COL14A1: variants seen among roughly 807,000 people sequenced by gnomAD.
The protein encoded by COL14A1 is collagen alpha-1(XIV) chain.
COL14A1 carries 136 observed loss-of-function variants against 230.3 expected under a neutral mutation model. That is an observed-to-expected ratio of 0.59 (90% confidence interval 0.51 to 0.68). The LOEUF is 0.68. Ranked by LOEUF, COL14A1 falls within the 30% of genes least tolerant of loss-of-function variation. The pLI, the probability that COL14A1 is intolerant of heterozygous loss-of-function variation, is 0.00. For synonymous variants in COL14A1, 792 were observed against 784.1 expected (o/e 1.01, Z -0.17); for missense variants, 1,976 against 2,215.8 (o/e 0.89, Z 2.17).
At chr8:120,187,620 A>T (rs1470605878) in intron 5 of COL14A1, among the ~76,000 whole-genome samples, 1 of 152,244 alleles carries the variant, frequency 6.6e-6, no homozygotes, top group Non-Finnish European at 1.5e-5. Context: ...TCATGATGTC[A>T]GTAACACAAT....
At chr8:120,203,004 A>AATTTCAAAT (rs1817303768) in intron 8 of COL14A1, among the ~76,000 whole-genome samples, 1 of 81,460 alleles carries the variant, frequency 1.2e-5, no homozygotes, top group Non-Finnish European at 2.5e-5. Flanking sequence ...ATATATATAT[A>AATTTCAAAT]TATATATATA....
intron 5 of COL14A1, among the ~76,000 whole-genome samples, chr8:120,178,184 A>C (rs921305810): frequency 6.6e-6 from 1 of 151,970 alleles, no homozygotes; most frequent in African/African-American, 2.4e-5. Flanking sequence ...TGCTGCACCC[A>C]TCATCTGCAT....
Position 120,168,251 on chromosome 8 carries a change from A to G in COL14A1, c.436+4A>G. 1.2e-6 allele frequency: 2 copies of G among 1,602,502 alleles called. No homozygotes were observed. Among genetic ancestry groups the G allele is most frequent in the East Asian group, 2.2e-5 (1 of 44,792 alleles). On this transcript the variant is annotated splice_donor_region_variant and intron_variant, in intron 5 of 47. Transcript: ENST00000297848. The stretch of plus-strand genomic sequence containing the variant: ...AGTAGACCATCTTCACCAGAAGGTC[A>G]GAGACGATTTTAATTAACTCATATT...
chr8:120,308,975 T>C (rs368555210), intron 36 of COL14A1, among the ~76,000 whole-genome samples: 4 of 152,210 alleles, frequency 2.6e-5, no homozygotes, highest in African/African-American at 9.6e-5. Context: ...AGTCTCACTT[T>C]GCCGCCCAGG....
Position 120,369,410 on chromosome 8 carries a change from G to T in COL14A1, c.5236G>T (p.Val1746Phe). The change falls in exon 47 of 48, where the codon GTT (valine) becomes TTT (phenylalanine). Residue 1746 changes from valine (V) to phenylalanine (F), a missense_variant. Physicochemically the swap from Val to Phe is conservative, Grantham distance 50. Transcript: ENST00000297848. ...GPRGPPGHLGVPGPQGPSGQP... is the reference protein window; with the variant it reads ...GPRGPPGHLGFPGPQGPSGQP... ...AAGAGGCCCACCAGGTCATCTGGGG[G>T]TTCCTGGACCCCAAGGTCCTTCTGG... is the stretch of plus-strand genomic sequence containing the variant. The T allele has an allele frequency of 6.2e-7, 1 of 1,610,490 alleles. No individual in the cohort carries two copies. Among genetic ancestry groups the T allele is most frequent in the Non-Finnish European group, 8.5e-7 (1 of 1,178,398 alleles).
intron 34 of COL14A1, among the ~76,000 whole-genome samples, chr8:120,291,703 T>G (rs1243276370): frequency 6.6e-6 from 1 of 152,044 alleles, no homozygotes; most frequent in African/African-American, 2.4e-5. Flanking sequence ...TTCCTGAAAG[T>G]TAGTAGGCGT....
chr8:120,334,493 AATGTGTTGCAAAGTATG>A (rs2130228547), intron 42 of COL14A1, among the ~76,000 whole-genome samples: 1 of 152,018 alleles, frequency 6.6e-6, no homozygotes, highest in East Asian at 1.9e-4. Context: ...TTAATTCAAA[AATGTGTTGCAAAGTATG>A]ATCCTGCACC....
At chr8:120,196,022 A>G (rs929832254) in intron 5 of COL14A1, among the ~76,000 whole-genome samples, 2 of 152,136 alleles carry the variant, frequency 1.3e-5, no homozygotes, top group South Asian at 2.1e-4. Flanking sequence ...CACCTTCTGC[A>G]TTTCCCCAGC....
chr8:120,217,590 C>T (rs546549842), intron 14 of COL14A1, among the ~76,000 whole-genome samples: 15 of 152,114 alleles, frequency 9.9e-5, no homozygotes, highest in South Asian at 6.2e-4. Context: ...GTGTAATGGA[C>T]GGGCAGTAAG....
chr8:120,130,281 A>G (rs1814484461), intron 1 of COL14A1, among the ~76,000 whole-genome samples: 1 of 152,244 alleles, frequency 6.6e-6, no homozygotes, highest in African/African-American at 2.4e-5. Flanking sequence ...ACTGAGGACC[A>G]GTAACAGTTC....
At chr8:120,267,262 A>G (rs1819526219) in intron 25 of COL14A1, among the ~76,000 whole-genome samples, 1 of 151,850 alleles carries the variant, frequency 6.6e-6, no homozygotes, top group Non-Finnish European at 1.5e-5. Flanking sequence ...TTTCCTCATC[A>G]CAACAGTTCC....
At chr8:120,332,026 A>T (rs768877627) in intron 40 of COL14A1, 115 bp from the exon 41 acceptor site, 18 of 837,032 alleles carry the variant, frequency 2.2e-5, no homozygotes, top group African/African-American at 3.4e-5. Context: ...AATCCTTGGT[A>T]GTCCAGAGCA....
intron 18 of COL14A1, among the ~76,000 whole-genome samples, chr8:120,230,938 A>C (rs1818247752): frequency 6.6e-6 from 1 of 152,178 alleles, no homozygotes; most frequent in Non-Finnish European, 1.5e-5. Flanking sequence ...TACCAGAGAA[A>C]AGATCGTGTC....
At chr8:120,311,695 A>G (rs1821044319) in intron 37 of COL14A1, among the ~76,000 whole-genome samples, 1 of 152,184 alleles carries the variant, frequency 6.6e-6, no homozygotes, top group Non-Finnish European at 1.5e-5. Flanking sequence ...AGGACAAAGC[A>G]AACCTCTTGT....
intron 3 of COL14A1, among the ~76,000 whole-genome samples, chr8:120,159,110 A>G (rs2130526923): frequency 6.6e-6 from 1 of 152,302 alleles, no homozygotes; most frequent in Middle Eastern, 3.4e-3. Context: ...GTTTTCTATG[A>G]ATTTGCAACT....
chr8:120,250,883 C>T, intron 22 of COL14A1, 117 bp downstream of exon 22: 2 of 1,175,258 alleles, frequency 1.7e-6, no homozygotes, highest in East Asian at 2.5e-5. Context: ...TCTGGACTCA[C>T]TGAAACATCC....
intron 19 of COL14A1, among the ~76,000 whole-genome samples, chr8:120,241,175 C>T (rs536136192): frequency 4.6e-5 from 7 of 152,294 alleles, no homozygotes; most frequent in Admixed American, 4.6e-4. Flanking sequence ...CATTGATAGC[C>T]ATTTGACATT....
In COL14A1 at chr8:120,270,115, A is replaced by G. The variant is rs376527076; in HGVS notation, c.3154A>G (p.Ile1052Val). Reference sequence around the variant, plus strand: ...TGGAGATGAAAATTTCAATAAGATCATCAGCTTTCTATACAGCACTGTTGG... The same window carrying G: ...TGGAGATGAAAATTTCAATAAGATCGTCAGCTTTCTATACAGCACTGTTGG... ...SIGDENFNKI[I>V]SFLYSTVGAL... Residue 1052 changes from isoleucine (I) to valine (V), a missense_variant, in exon 26 of 48, where the codon ATC (isoleucine) becomes GTC (valine). This residue lies in a region of COL14A1 where 1,791 missense variants were observed against 2,019.5 expected (regional missense o/e 0.89). Coordinates refer to ENST00000297848, the MANE Select transcript of COL14A1 (RefSeq NM_021110.4). 25 of 1,611,578 alleles carry G rather than the reference A, an allele frequency of 1.6e-5. No homozygotes were observed. The highest frequency in any genetic ancestry group is 2.7e-5 in the African/African-American group (2 of 74,736).
At chr8:120,221,359 A>G (rs1421409696) in intron 14 of COL14A1, among the ~76,000 whole-genome samples, 1 of 152,184 alleles carries the variant, frequency 6.6e-6, no homozygotes, top group Non-Finnish European at 1.5e-5. Flanking sequence ...TTTCTTCTAC[A>G]TCTTAAAATA....
Sources: allele counts gnomAD v4.1 joint callset (sites outside exome capture counted in the v4.1 genomes callset), GRCh38; gene constraint gnomAD v4.1.1; regional missense constraint gnomAD v4.1.1; transcripts MANE v1.5; gene names NCBI Gene and HGNC (gene_info 2026-07-23, HGNC 2026-07-21).